NRXN1: variants seen among roughly 807,000 people sequenced by gnomAD.
The protein encoded by NRXN1 is neurexin-1.
A neutral mutation model predicts 150.9 loss-of-function variants in NRXN1; 39 were observed. The ratio of observed to expected loss-of-function variants is 0.26; its 90% confidence interval spans 0.20 to 0.34. The LOEUF (loss-of-function observed/expected upper bound fraction) is 0.34. Ranked by LOEUF, NRXN1 falls within the 10% of genes least tolerant of loss-of-function variation. The pLI is 1.00. For missense variants in NRXN1, 1,815 were observed against 1,949.9 expected (o/e 0.93, Z 1.30); for synonymous variants, 924 against 757.0 (o/e 1.22, Z -3.62).
intron 5 of NRXN1, among the ~76,000 whole-genome samples, chr2:50,660,638 G>C (rs900044039): frequency 1.4e-4 from 22 of 152,014 alleles, no homozygotes; most frequent in Admixed American, 3.3e-4. Flanking sequence ...TGAGAGGCTT[G>C]ACAGTAGCAA....
At chr2:50,224,976 G>T (rs1054047874) in intron 18 of NRXN1, among the ~76,000 whole-genome samples, 4 of 152,000 alleles carry the variant, frequency 2.6e-5, no homozygotes, top group Admixed American at 6.6e-5. Flanking sequence ...CCTGTGTGTA[G>T]TATTTGAATC....
At chr2:50,211,290 T>A (rs1251629283) in intron 18 of NRXN1, among the ~76,000 whole-genome samples, 3 of 151,728 alleles carry the variant, frequency 2.0e-5, no homozygotes, top group Admixed American at 2.0e-4. Flanking sequence ...TATACACATA[T>A]ACATATGTTA....
chr2:50,215,678 A>G (rs968418700), intron 18 of NRXN1, among the ~76,000 whole-genome samples: 13 of 152,058 alleles, frequency 8.5e-5, no homozygotes, highest in African/African-American at 3.1e-4. Context: ...GTATAATGCT[A>G]TTAACTTTAA....
At chr2:50,435,161 G>A (rs553365097) in intron 17 of NRXN1, among the ~76,000 whole-genome samples, 1 of 152,206 alleles carries the variant, frequency 6.6e-6, no homozygotes, top group East Asian at 1.9e-4. Flanking sequence ...AGAGAGAGTT[G>A]GATGCTGAAT....
chr2:50,789,067 C>CA (rs1705567812), intron 5 of NRXN1, among the ~76,000 whole-genome samples: 1 of 152,068 alleles, frequency 6.6e-6, no homozygotes, highest in African/African-American at 2.4e-5. Flanking sequence ...TCCAAACAAA[C>CA]CAAAACAAAG....
intron 17 of NRXN1, among the ~76,000 whole-genome samples, chr2:50,340,115 G>A (rs1333691710): frequency 6.6e-6 from 1 of 152,068 alleles, no homozygotes; most frequent in Non-Finnish European, 1.5e-5. Context: ...TTGTTTCCTT[G>A]TCAGCAAAAT....
rs190465505 is a variant in NRXN1 at position 50,053,738 on chromosome 2, T to G, written c.3809-148A>C. On this transcript the variant is annotated intron_variant, in intron 20 of 22. Transcript: ENST00000401669. ...TGACTCATAATTCATTGCTTATAAA[T>G]GAGGTGTCCATGAAATGCATAATTA... 5.3e-5 allele frequency: 41 copies of G among 777,948 alleles called. No individual in the cohort carries two copies. In the African/African-American group the frequency reaches 6.6e-4, roughly 13 times the overall value. 48.2% of individuals were successfully genotyped at this position (777,948 alleles called of 1,614,324 possible). A position where few individuals can be genotyped will look rare whatever the true frequency, so the allele number is the denominator to read the frequency against.
At chr2:50,424,222 A>G (rs1164524552) in intron 17 of NRXN1, among the ~76,000 whole-genome samples, 3 of 100,478 alleles carry the variant, frequency 3.0e-5, no homozygotes, top group Non-Finnish European at 5.9e-5. Context: ...GGAGAAGGAG[A>G]AGAAGAAGAA....
chr2:50,627,639 A>C (rs1426364102), intron 5 of NRXN1, among the ~76,000 whole-genome samples: 1 of 123,930 alleles, frequency 8.1e-6, no homozygotes, highest in Non-Finnish European at 1.8e-5. Context: ...CACACACACG[A>C]GAGATCCACT....
At chr2:50,062,866 A>G (rs1694759562) in intron 19 of NRXN1, among the ~76,000 whole-genome samples, 2 of 152,192 alleles carry the variant, frequency 1.3e-5, no homozygotes, top group Admixed American at 1.3e-4. Context: ...AAGAAAAACA[A>G]TGCTATGAAC....
intron 17 of NRXN1, among the ~76,000 whole-genome samples, chr2:50,338,524 G>C (rs2077335533): frequency 6.6e-6 from 1 of 151,966 alleles, no homozygotes; most frequent in South Asian, 2.1e-4. Flanking sequence ...CTCTATACTA[G>C]ATTGTAATAT....
chr2:50,575,603 C>T (rs1247171454), intron 8 of NRXN1, among the ~76,000 whole-genome samples: 1 of 152,138 alleles, frequency 6.6e-6, no homozygotes, highest in Non-Finnish European at 1.5e-5. Context: ...CATTAGAAAA[C>T]TAGCAATTTA....
intron 21 of NRXN1, among the ~76,000 whole-genome samples, chr2:50,017,168 G>T (rs1294809715): frequency 2.0e-5 from 3 of 152,086 alleles, no homozygotes; most frequent in Non-Finnish European, 4.4e-5. Flanking sequence ...CTGCTGTGTG[G>T]TGAGCACTTT....
intron 18 of NRXN1, among the ~76,000 whole-genome samples, chr2:50,223,168 G>T (rs1056755545): frequency 6.6e-6 from 1 of 151,534 alleles, no homozygotes; most frequent in East Asian, 1.9e-4. Context: ...TGGATGCTTA[G>T]AAGAATACCA....
At chr2:50,881,863 G>C (rs1679482014) in intron 5 of NRXN1, among the ~76,000 whole-genome samples, 1 of 151,644 alleles carries the variant, frequency 6.6e-6, no homozygotes, top group Non-Finnish European at 1.5e-5. Context: ...CCTGTCCCAG[G>C]AGTTAATGGA....
At chr2:50,838,593 C>A (rs954749621) in intron 5 of NRXN1, among the ~76,000 whole-genome samples, 1 of 151,978 alleles carries the variant, frequency 6.6e-6, no homozygotes, top group Non-Finnish European at 1.5e-5. Flanking sequence ...GTATGACTGG[C>A]GTCTTTATAA....
intron 18 of NRXN1, among the ~76,000 whole-genome samples, chr2:50,100,098 T>C (rs1195967530): frequency 1.3e-5 from 2 of 152,240 alleles, no homozygotes; most frequent in East Asian, 1.9e-4. Context: ...TTTAAAAAAA[T>C]AGAAAAACTC....
chr2:50,464,125 T>C (rs1017060021), intron 17 of NRXN1: 8 of 151,786 alleles, frequency 5.3e-5, no homozygotes, highest in Non-Finnish European at 1.0e-4. Context: ...AAAATGGCGT[T>C]ATTGTGTTTT....
intron 12 of NRXN1, among the ~76,000 whole-genome samples, chr2:50,512,769 T>C (rs2092497741): frequency 6.6e-6 from 1 of 152,202 alleles, no homozygotes; most frequent in African/African-American, 2.4e-5. Context: ...TTTTTACATA[T>C]TCAAAAAATA....
Sources: allele counts gnomAD v4.1 joint callset (sites outside exome capture counted in the v4.1 genomes callset), GRCh38; gene constraint gnomAD v4.1.1; transcripts MANE v1.5; gene names NCBI Gene and HGNC (gene_info 2026-07-23, HGNC 2026-07-21).